SPAG16: variants seen among roughly 807,000 people sequenced by gnomAD.
SPAG16 encodes sperm associated antigen 16, also known as sperm-associated antigen 16 protein.
Under a neutral mutation model 80.4 loss-of-function variants are expected in SPAG16, and 86 were observed. That is an observed-to-expected ratio of 1.07 (90% CI 0.90 to 1.28). The LOEUF is 1.28. Ranked by LOEUF, SPAG16 falls within the 50% of genes most tolerant of loss-of-function variation. The pLI is 0.00. For missense variants in SPAG16, 870 were observed against 765.3 expected (o/e 1.14, Z -1.61); for synonymous variants, 294 against 265.9 (o/e 1.11, Z -1.03).
At chr2:213,482,821 G>C (rs1336310331) in intron 9 of SPAG16, among the ~76,000 whole-genome samples, 1 of 151,922 alleles carries the variant, frequency 6.6e-6, no homozygotes, top group Non-Finnish European at 1.5e-5. Context: ...AGAGGAAAAA[G>C]AATATTAAAT....
intron 9 of SPAG16, among the ~76,000 whole-genome samples, chr2:213,436,809 G>T (rs1429295076): frequency 1.3e-5 from 2 of 151,792 alleles, no homozygotes; most frequent in Non-Finnish European, 2.9e-5. Flanking sequence ...TTTGCATTGG[G>T]TGTCACTAGT....
intron 15 of SPAG16, chr2:214,240,713 C>T (rs1415924159): frequency 6.6e-6 from 1 of 151,986 alleles, no homozygotes; most frequent in Non-Finnish European, 1.5e-5. Flanking sequence ...AGATAAAAAT[C>T]ATCTAAGATT....
chr2:213,398,965 T>G (rs1246580636), intron 9 of SPAG16, among the ~76,000 whole-genome samples: 4 of 152,184 alleles, frequency 2.6e-5, no homozygotes, highest in Non-Finnish European at 5.9e-5. Context: ...ATGCATTGAT[T>G]ACTACAAGTT....
chr2:213,930,683 T>A (rs1473288243), intron 12 of SPAG16, among the ~76,000 whole-genome samples: 4 of 152,240 alleles, frequency 2.6e-5, no homozygotes, highest in Non-Finnish European at 5.9e-5. Context: ...TTGGAAGTTT[T>A]ATGTTTTGAT....
At chr2:213,820,354 C>CT (rs144011272) in intron 10 of SPAG16, among the ~76,000 whole-genome samples, 7,186 of 151,698 alleles carry the variant, frequency 0.047, 202 homozygotes, top group East Asian at 0.084. Flanking sequence ...TTTTGGTAAC[C>CT]TTTTTTTTGT....
chr2:214,205,922 G>A (rs569640095), intron 15 of SPAG16, among the ~76,000 whole-genome samples: 4 of 152,152 alleles, frequency 2.6e-5, no homozygotes, highest in South Asian at 2.1e-4. Flanking sequence ...CTGGCCGGGC[G>A]CAGTGGCTGA....
intron 13 of SPAG16, among the ~76,000 whole-genome samples, chr2:214,029,762 AAAC>A (rs2048319564): frequency 6.6e-6 from 1 of 152,150 alleles, no homozygotes; most frequent in East Asian, 1.9e-4. Flanking sequence ...GTCACTCACA[AAAC>A]AAAAATAAAT....
intron 13 of SPAG16, among the ~76,000 whole-genome samples, chr2:214,095,406 G>A (rs192993986): frequency 4.6e-5 from 7 of 152,104 alleles, no homozygotes; most frequent in Admixed American, 3.3e-4. Context: ...TATCATACAC[G>A]GTGACTGGTG....
intron 10 of SPAG16, among the ~76,000 whole-genome samples, chr2:213,739,200 C>A (rs547913365): frequency 6.6e-6 from 1 of 152,294 alleles, no homozygotes; most frequent in African/African-American, 2.4e-5. Flanking sequence ...TTATTTCCCA[C>A]GTAGCCTCAG....
chr2:213,740,748 T>C (rs372711714), intron 10 of SPAG16, among the ~76,000 whole-genome samples: 58 of 152,302 alleles, frequency 3.8e-4, no homozygotes, highest in African/African-American at 1.4e-3. Context: ...AAAGGGTAAC[T>C]GTTGGCTGAA....
At chr2:214,227,702 A>ATGTGTG (rs3044944) in intron 15 of SPAG16, among the ~76,000 whole-genome samples, 23,561 of 145,576 alleles carry the variant, frequency 0.16, 2,058 homozygotes, top group Non-Finnish European at 0.2. Flanking sequence ...TGGAAGGTGT[A>ATGTGTG]TGTGTGTGTG....
chr2:213,669,127 G>C (rs2063723905), intron 10 of SPAG16, among the ~76,000 whole-genome samples: 1 of 152,146 alleles, frequency 6.6e-6, no homozygotes, highest in Non-Finnish European at 1.5e-5. Flanking sequence ...ATTTTGTTTG[G>C]ATAGGGATTT....
At chr2:214,043,923 CTTA>C (rs1299434341) in intron 13 of SPAG16, among the ~76,000 whole-genome samples, 2 of 151,992 alleles carry the variant, frequency 1.3e-5, no homozygotes, top group African/African-American at 4.8e-5. Context: ...ATATAAGTCC[CTTA>C]TTATTATTGT....
Position 214,212,031 on chromosome 2 carries a change from A to G in SPAG16, c.1720+62765A>G, listed in dbSNP as rs114514259. On this transcript the variant is annotated intron_variant, in intron 15 of 15. Transcript: ENST00000331683. Reference sequence around the variant, plus strand: ...ATCTTGCTAAAGCCGTTGTCCAGAGAGCAAAATATACTTGTAAAATATAAA... The same window carrying G: ...ATCTTGCTAAAGCCGTTGTCCAGAGGGCAAAATATACTTGTAAAATATAAA... Among the ~76,000 whole-genome samples, 1,381 of 152,250 alleles carry G rather than the reference A, an allele frequency of 9.1e-3. 17 individuals are homozygous for G. The highest frequency in any genetic ancestry group is 0.031 in the African/African-American group (1,285 of 41,536).
intron 9 of SPAG16, among the ~76,000 whole-genome samples, chr2:213,387,547 C>T (rs934199008): frequency 8.9e-5 from 6 of 67,626 alleles, no homozygotes; most frequent in Middle Eastern, 0.016. Context: ...CTCCGCCTCC[C>T]GGGTTCACGC....
Position 214,014,028 on chromosome 2 carries a change from T to G in SPAG16, c.1478T>G (p.Leu493Arg), listed in dbSNP as rs2047456270. Residue 493 changes from leucine to arginine, a missense_variant, in exon 13 of 16, where the codon CTT becomes CGT. Transcript: ENST00000331683. ...GAGTTTTTTCCTTTCTCCAATACTC[T>G]TCTCACAAGCTCTGCAGACAAGACC... is the stretch of plus-strand genomic sequence containing the variant. Reference protein sequence around the residue: ...SIEFFPFSNTLLTSSADKTLS... With the variant: ...SIEFFPFSNTRLTSSADKTLS... The G allele has an allele frequency of 1.2e-6, 2 of 1,613,526 alleles. No homozygotes were observed. The highest frequency in any genetic ancestry group is 2.7e-5 in the African/African-American group (2 of 74,920).
chr2:213,960,097 T>G, intron 12 of SPAG16, among the ~76,000 whole-genome samples: 1 of 152,312 alleles, frequency 6.6e-6, no homozygotes, highest in Middle Eastern at 3.4e-3. Flanking sequence ...ATTTCAAGTT[T>G]TATAATTTCC....
intron 14 of SPAG16, among the ~76,000 whole-genome samples, chr2:214,141,844 C>T (rs2055377785): frequency 6.6e-6 from 1 of 152,100 alleles, no homozygotes; most frequent in Non-Finnish European, 1.5e-5. Flanking sequence ...TTTCATTACA[C>T]TCTGTTTAGG....
chr2:213,782,581 G>C (rs1016916348), intron 10 of SPAG16, among the ~76,000 whole-genome samples: 16 of 152,162 alleles, frequency 1.1e-4, no homozygotes, highest in Non-Finnish European at 7.3e-5. Flanking sequence ...GGAACTGAAG[G>C]TTGAAATTAC....
Sources: allele counts gnomAD v4.1 joint callset (sites outside exome capture counted in the v4.1 genomes callset), GRCh38; gene constraint gnomAD v4.1.1; transcripts MANE v1.5; gene names NCBI Gene and HGNC (gene_info 2026-07-23, HGNC 2026-07-21).